Variants in NTN1 observed in about 807,000 individuals in gnomAD.
The protein encoded by NTN1 is netrin 1, also known as netrin-1.
Under a neutral mutation model 54.2 loss-of-function variants are expected in NTN1, and 11 were observed. The observed-to-expected ratio is 0.20, with a 90% CI of 0.13 to 0.34. The LOEUF is 0.34. Ranked by LOEUF, NTN1 falls within the 10% of genes least tolerant of loss-of-function variation. The probability of loss-of-function intolerance (pLI) is 1.00; values close to 1 mark genes in which losing one functional copy is unlikely to be tolerated. For synonymous variants in NTN1, 371 were observed against 382.0 expected (o/e 0.97, Z 0.33); for missense variants, 740 against 893.1 (o/e 0.83, Z 2.18).
intron 2 of NTN1, among the ~76,000 whole-genome samples, chr17:9,148,000 C>T (rs1860283): frequency 0.29 from 43,663 of 152,014 alleles, 6,425 homozygotes; most frequent in East Asian, 0.42. Context: ...CCTTGTGTCT[C>T]CTGGAACTGG....
At chr17:9,118,827 T>C (rs1315956241) in intron 2 of NTN1, among the ~76,000 whole-genome samples, 2 of 152,262 alleles carry the variant, frequency 1.3e-5, no homozygotes, top group African/African-American at 4.8e-5. Context: ...CATGTATCAG[T>C]ACTTTATTCC....
rs1351179994 is a variant in NTN1, at chr17:9,228,851, T to TGTGA, written c.1486+7610_1486+7611insTGAG. Among the ~76,000 whole-genome samples the TGTGA allele has an allele frequency of 9.5e-5, 10 of 104,798 alleles. No individual in the cohort carries two copies. In the South Asian group the frequency reaches 1.3e-3, roughly 14 times the overall value. The allele number at this position is 104,798 out of a possible 152,430, so 68.8% of individuals were successfully genotyped here. ...GTGTGTGTGTGTGTGTGTGTGTGTG[T>TGTGA]GACTGTGTATGAGAGTGTGTCTGTG... On this transcript the variant is annotated intron_variant, in intron 6 of 6. Transcript: ENST00000173229.
At chr17:9,153,283 T>C (rs1051404723) in intron 2 of NTN1, among the ~76,000 whole-genome samples, 5 of 151,834 alleles carry the variant, frequency 3.3e-5, no homozygotes, top group Non-Finnish European at 7.4e-5. Context: ...CCCGTCTCTA[T>C]TAAAAATACA....
intron 2 of NTN1, among the ~76,000 whole-genome samples, chr17:9,064,542 A>G (rs546193145): frequency 2.8e-4 from 42 of 151,998 alleles, no homozygotes; most frequent in African/African-American, 9.7e-4. Context: ...CCCATCCCCA[A>G]TCAGTTCCTC....
rs533318876 is a variant in NTN1, at chr17:9,105,416, T to A, written c.1019-57397T>A. On this transcript the variant is annotated intron_variant, in intron 2 of 6. Transcript: ENST00000173229. ...GTGGCCTTAAAAGGCTTAGGAACAT[T>A]TGGGGGCTGAGAAAAGAATGCTCCC... Among the ~76,000 whole-genome samples, 11 of 152,214 alleles carry A rather than the reference T, an allele frequency of 7.2e-5. No individual in the cohort carries two copies. In the East Asian group the frequency reaches 1.9e-3, roughly 27 times the overall value.
At chr17:9,215,248 G>GAC (rs1905190650) in intron 5 of NTN1, among the ~76,000 whole-genome samples, 4 of 95,544 alleles carry the variant, frequency 4.2e-5, no homozygotes, top group Non-Finnish European at 8.2e-5. Context: ...TAGCTAGATA[G>GAC]ATACACACAC....
At chr17:9,199,435 C>A (rs1465956417) in intron 5 of NTN1, among the ~76,000 whole-genome samples, 1 of 152,266 alleles carries the variant, frequency 6.6e-6, no homozygotes, top group Admixed American at 6.5e-5. Flanking sequence ...AGCCATTGCA[C>A]CCGGCCCTGC....
In NTN1 at chr17:9,162,994, C is replaced by A; in HGVS notation, c.1200C>A (p.Ala400=). Residue 400 remains alanine, a synonymous_variant, in exon 3 of 7, where the codon GCC becomes GCA. Coordinates refer to ENST00000173229, the MANE Select transcript of NTN1 (RefSeq NM_004822.3). ...DMGKPITHRK[A]CKACDCHPVG... is the part of the protein sequence containing the mutation. ...GCAAGCCCATCACCCACCGGAAGGCCTGCAAAGGTGGGCTACACGTGGCGG... is the reference window on the plus strand; with the variant it reads ...GCAAGCCCATCACCCACCGGAAGGCATGCAAAGGTGGGCTACACGTGGCGG... 1 of 1,608,836 alleles carries A rather than the reference C, an allele frequency of 6.2e-7. No homozygotes were observed. The highest frequency in any genetic ancestry group is 8.5e-7 in the Non-Finnish European group (1 of 1,177,220).
chr17:9,067,556 C>G (rs966746041), intron 2 of NTN1, among the ~76,000 whole-genome samples: 10 of 152,220 alleles, frequency 6.6e-5, no homozygotes, highest in Admixed American at 4.6e-4. Context: ...GCCACCAGAG[C>G]TGCCTTCCTT....
chr17:9,117,729 GCAAGA>G (rs1180764473), intron 2 of NTN1, among the ~76,000 whole-genome samples: 3 of 144,766 alleles, frequency 2.1e-5, no homozygotes, highest in African/African-American at 7.8e-5. Flanking sequence ...GGGAGACAGG[GCAAGA>G]CTCCATCTCA....
intron 6 of NTN1, among the ~76,000 whole-genome samples, chr17:9,222,606 C>T (rs892416405): frequency 1.3e-5 from 2 of 152,116 alleles, no homozygotes; most frequent in Admixed American, 1.3e-4. Flanking sequence ...AGGGAGGAAA[C>T]GGCGGTGGAA....
chr17:9,043,638 G>A (rs1474000677), intron 2 of NTN1, among the ~76,000 whole-genome samples: 1 of 151,120 alleles, frequency 6.6e-6, no homozygotes, highest in African/African-American at 2.4e-5. Context: ...ATGCAATGGC[G>A]CGATCTTGGC....
the NTN1 span, among the ~76,000 whole-genome samples, chr17:9,015,456 C>T: frequency 6.6e-5 from 10 of 151,968 alleles, no homozygotes; most frequent in African/African-American, 2.4e-4. Flanking sequence ...AAAGGAAAAC[C>T]CTTGGTCACA....
chr17:9,233,307 G>C (rs998866808), intron 6 of NTN1, among the ~76,000 whole-genome samples: 2 of 152,072 alleles, frequency 1.3e-5, no homozygotes, highest in Non-Finnish European at 2.9e-5. Context: ...TTGTTTATTC[G>C]GGGCTGGGCC....
intron 3 of NTN1, chr17:9,171,883 CTTTT>C (rs11429901): frequency 7.1e-4 from 72 of 101,590 alleles, no homozygotes; most frequent in Non-Finnish European, 1.2e-3. Flanking sequence ...ATCAGGCTCA[CTTTT>C]TTTTTTTTTT....
intron 2 of NTN1, among the ~76,000 whole-genome samples, chr17:9,117,590 G>A (rs1334217711): frequency 2.0e-5 from 3 of 151,830 alleles, no homozygotes; most frequent in Non-Finnish European, 2.9e-5. Flanking sequence ...CTAAAAATAC[G>A]AAAATTAGCC....
chr17:9,079,539 C>A (rs942533743), intron 2 of NTN1, among the ~76,000 whole-genome samples: 3 of 152,166 alleles, frequency 2.0e-5, no homozygotes, highest in Non-Finnish European at 2.9e-5. Flanking sequence ...GTTTCCCCAG[C>A]GGACCTATTT....
chr17:9,201,677 C>T (rs962177863), intron 5 of NTN1, among the ~76,000 whole-genome samples: 7 of 152,136 alleles, frequency 4.6e-5, no homozygotes, highest in Non-Finnish European at 7.3e-5. Flanking sequence ...TTCCTAGCAA[C>T]GGATCAGATG....
chr17:9,107,800 AAAACTGCATGGGCCG>A lies in NTN1; in HGVS notation c.1019-55009_1019-54995del, dbSNP rs1227479721. Among the ~76,000 whole-genome samples, 73 of 152,372 alleles carry A rather than the reference AAAACTGCATGGGCCG, an allele frequency of 4.8e-4. 1 individual carries two copies. Among genetic ancestry groups the A allele is most frequent in the African/African-American group, 1.6e-3 (68 of 41,594 alleles). ...ATGTCGGTGTTAAGTCACTGTGACA[AAAACTGCATGGGCCG>A]AAAAGCCCAAAATATTTACTATCTG... is the stretch of plus-strand genomic sequence containing the variant. On this transcript the variant is annotated intron_variant, in intron 2 of 6. Transcript: ENST00000173229.
Sources: allele counts gnomAD v4.1 joint callset (sites outside exome capture counted in the v4.1 genomes callset), GRCh38; gene constraint gnomAD v4.1.1; transcripts MANE v1.5; gene names NCBI Gene and HGNC (gene_info 2026-07-23, HGNC 2026-07-21).